Variants in METTL15 observed in about 807,000 individuals in gnomAD.
METTL15 encodes 12S rRNA N(4)-cytidine methyltransferase METTL15.
In METTL15, 34 loss-of-function variants were observed where a neutral mutation model predicts 38.3. The ratio of observed to expected loss-of-function variants is 0.89; its 90% CI spans 0.68 to 1.18. METTL15 has a LOEUF of 1.18. Among genes scored for constraint, METTL15 ranks in the 50% most tolerant of loss-of-function variants. METTL15 has a pLI of 0.00. For synonymous variants in METTL15, 162 were observed against 170.9 expected, an observed-to-expected ratio of 0.95 and a Z score of 0.41; for missense variants, 438 against 498.4, an observed-to-expected ratio of 0.88 and a Z score of 1.15.
intron 6 of METTL15, among the ~76,000 whole-genome samples, chr11:28,499,919 G>A (rs1851568345): frequency 6.6e-6 from 1 of 152,104 alleles, no homozygotes; most frequent in South Asian, 2.1e-4. Context: ...GCTGATGCAT[G>A]TGGTATTCTG....
chr11:28,371,216 T>C (rs146625822), intron 5 of METTL15, among the ~76,000 whole-genome samples: 1 of 151,980 alleles, frequency 6.6e-6, no homozygotes, highest in Non-Finnish European at 1.5e-5. Flanking sequence ...TTTTGAGAAA[T>C]AGGGGTCTTG....
At chr11:28,184,028 T>C (rs2133789393) in intron 3 of METTL15, among the ~76,000 whole-genome samples, 1 of 152,216 alleles carries the variant, frequency 6.6e-6, no homozygotes, top group South Asian at 2.1e-4. Context: ...CTTCCAGATT[T>C]TCTAGTTTAT....
At chr11:28,367,848 A>G (rs570563665) in intron 5 of METTL15, among the ~76,000 whole-genome samples, 92 of 152,244 alleles carry the variant, frequency 6.0e-4, no homozygotes, top group African/African-American at 2.0e-3. Context: ...AATGGGGAAA[A>G]GATTCACTAT....
intron 5 of METTL15, among the ~76,000 whole-genome samples, chr11:28,385,318 T>C (rs1470028246): frequency 1.3e-5 from 2 of 152,304 alleles, no homozygotes; most frequent in East Asian, 1.9e-4. Context: ...TTGGTTTTTG[T>C]ATATGGTGTA....
chr11:28,372,852 G>C (rs1218408538), intron 5 of METTL15, among the ~76,000 whole-genome samples: 1 of 137,490 alleles, frequency 7.3e-6, no homozygotes, highest in Middle Eastern at 4.4e-3. Flanking sequence ...TCCCACCTAT[G>C]AGTGAGAATA....
At chr11:28,325,236 T>G (rs755970232) in intron 6 of METTL15, among the ~76,000 whole-genome samples, 105 of 152,328 alleles carry the variant, frequency 6.9e-4, no homozygotes, top group Non-Finnish European at 1.4e-3. Flanking sequence ...TGATAACAAG[T>G]GAAGTTATAT....
At chr11:28,488,513 C>G (rs916593334) in intron 6 of METTL15, among the ~76,000 whole-genome samples, 3 of 152,126 alleles carry the variant, frequency 2.0e-5, no homozygotes, top group African/African-American at 4.8e-5. Context: ...TTACCACCCA[C>G]TAAAGTTAAC....
At chr11:28,438,833 C>G (rs1355850963) in intron 6 of METTL15, among the ~76,000 whole-genome samples, 2 of 151,666 alleles carry the variant, frequency 1.3e-5, no homozygotes, top group Non-Finnish European at 2.9e-5. Context: ...TGCCACCATG[C>G]CCAGCTAATT....
intron 5 of METTL15, among the ~76,000 whole-genome samples, chr11:28,294,401 C>T (rs978835206): frequency 2.0e-5 from 3 of 152,126 alleles, no homozygotes; most frequent in East Asian, 1.9e-4. Flanking sequence ...GTGATGAAGA[C>T]GGATGCAAGA....
intron 3 of METTL15, among the ~76,000 whole-genome samples, chr11:28,151,049 G>C (rs1012090501): frequency 6.6e-6 from 1 of 150,670 alleles, no homozygotes. Context: ...AGGTAATAAG[G>C]AAAGTTTTCC....
chr11:28,350,452 C>T (rs190899068), intron 3 of METTL15, among the ~76,000 whole-genome samples: 3 of 152,196 alleles, frequency 2.0e-5, no homozygotes, highest in Non-Finnish European at 4.4e-5. Flanking sequence ...CACCCATACT[C>T]TACAATTTAA....
intron 4 of METTL15, among the ~76,000 whole-genome samples, chr11:28,238,956 T>C (rs1210533206): frequency 3.3e-5 from 5 of 152,208 alleles, no homozygotes; most frequent in Non-Finnish European, 7.3e-5. Flanking sequence ...ATGATTTTAT[T>C]TGGATTTTTT....
chr11:28,371,314 T>A (rs1053025140), intron 5 of METTL15, among the ~76,000 whole-genome samples: 6 of 152,114 alleles, frequency 3.9e-5, no homozygotes, highest in Non-Finnish European at 8.8e-5. Context: ...TCTCGGCACC[T>A]TTGTGAAAAA....
intron 4 of METTL15, among the ~76,000 whole-genome samples, chr11:28,275,542 A>T (rs993436442): frequency 2.0e-5 from 3 of 151,824 alleles, no homozygotes; most frequent in Non-Finnish European, 4.4e-5. Flanking sequence ...TACTAGTACA[A>T]ATTTCCCTGA....
chr11:28,347,731 G>A (rs1356447572), intron 3 of METTL15, among the ~76,000 whole-genome samples: 4 of 152,118 alleles, frequency 2.6e-5, no homozygotes, highest in African/African-American at 9.7e-5. Context: ...TATAGTACCC[G>A]GAATTCCACA....
chr11:28,303,060 T>C (rs1047049331), intron 6 of METTL15, among the ~76,000 whole-genome samples: 10 of 152,172 alleles, frequency 6.6e-5, no homozygotes, highest in Non-Finnish European at 1.5e-4. Flanking sequence ...AGACATCCCT[T>C]TGAATAAAGA....
intron 3 of METTL15, among the ~76,000 whole-genome samples, chr11:28,190,111 G>C (rs1167876318): frequency 1.3e-5 from 2 of 151,012 alleles, no homozygotes; most frequent in African/African-American, 4.8e-5. Flanking sequence ...ATTTAGTGCT[G>C]TTTATTAGTA....
chr11:28,476,712 C>T (rs1023335502), intron 6 of METTL15, among the ~76,000 whole-genome samples: 3 of 152,184 alleles, frequency 2.0e-5, no homozygotes, highest in African/African-American at 7.2e-5. Context: ...ACCCTGGTCA[C>T]ATGTTGGTAT....
chr11:28,410,674 A>C (rs1240238225), intron 5 of METTL15: 2 of 152,116 alleles, frequency 1.3e-5, no homozygotes, highest in African/African-American at 4.8e-5. Flanking sequence ...GATAATCAAC[A>C]GGGAAAAATG....
Sources: gnomAD v4.1 joint callset for allele counts (sites outside exome capture counted in the v4.1 genomes callset) on GRCh38, gnomAD v4.1.1 for gene constraint, MANE v1.5 for transcripts, NCBI Gene and HGNC (gene_info 2026-07-23, HGNC 2026-07-21) for gene names.